PLAGL1: variants seen among roughly 807,000 people sequenced by gnomAD.
PLAGL1 encodes the protein zinc finger protein PLAGL1.
In PLAGL1, 1 loss-of-function variant was observed where a neutral mutation model predicts 4.6. The ratio of observed to expected loss-of-function variants is 0.22; its 90% CI spans 0.08 to 1.03. The LOEUF (loss-of-function observed/expected upper bound fraction) is 1.03. Ranked by LOEUF, PLAGL1 falls within the 50% of genes least tolerant of loss-of-function variation. The pLI is 0.58. For synonymous variants in PLAGL1, 240 were observed against 237.8 expected (o/e 1.01, Z -0.08); for missense variants, 464 against 570.4 (o/e 0.81, Z 1.90).
rs188995044 is a variant in PLAGL1 at position 143,964,073 on chromosome 6, C to G, written c.-399+714G>C. The stretch of plus-strand genomic sequence containing the variant: ...GCCAAAATGACACTCTCCCTTCCAT[C>G]CCCCCATGGCCAACCCCCCATCCCA... On this transcript the variant is annotated intron_variant, in intron 5 of 7. Coordinates refer to ENST00000674357, the MANE Select transcript of PLAGL1 (RefSeq NM_001317162.2). The surrounding 1 kb of genome is among the most constrained non-coding windows in gnomAD (Gnocchi z 4.3). 6.6e-6 allele frequency among the ~76,000 whole-genome samples: 1 copy of G among 152,102 alleles called. No individual in the cohort carries two copies. The highest frequency in any genetic ancestry group is 2.4e-5 in the African/African-American group (1 of 41,500).
intron 1 of PLAGL1, among the ~76,000 whole-genome samples, chr6:144,057,030 T>C (rs1172569279): frequency 2.6e-5 from 4 of 152,324 alleles, no homozygotes; most frequent in East Asian, 1.9e-4. Context: ...GAAGGATATA[T>C]TGGTTGCTTT....
chr6:143,960,513 C>T lies in PLAGL1; in HGVS notation c.-369G>A, dbSNP rs1167495759. The T allele has an allele frequency of 6.6e-6, 1 of 152,196 alleles. No individual in the cohort carries two copies. Among genetic ancestry groups the T allele is most frequent in the Non-Finnish European group, 1.5e-5 (1 of 68,038 alleles). 9.4% of individuals were successfully genotyped at this position (152,196 alleles called of 1,614,324 possible). On this transcript the variant is annotated 5_prime_UTR_variant, in exon 6 of 8. Coordinates refer to ENST00000674357, the MANE Select transcript of PLAGL1 (RefSeq NM_001317162.2). This position sits in a 1 kb window ranked among gnomAD's most constrained non-coding sequence, Gnocchi z 5.7. ...ATCTGCTGCGAGGCAGGGACCGAGT[C>T]CTCCCAGAAGTTTGTCTGAAGATTC...
chr6:143,955,916 G>A lies in PLAGL1; in HGVS notation c.-325+4553C>T, dbSNP rs1185114315. ...AGGTTAGGGGAAAGAGGGAATGGTG[G>A]TGGCAGAGAGAGGTTTTCTTCTGCA... On this transcript the variant is annotated intron_variant, in intron 6 of 7. Coordinates refer to ENST00000674357, the MANE Select transcript of PLAGL1 (RefSeq NM_001317162.2). This position sits in a 1 kb window ranked among gnomAD's most constrained non-coding sequence, Gnocchi z 4.9. 6.6e-6 allele frequency among the ~76,000 whole-genome samples: 1 copy of A among 151,742 alleles called. No homozygotes were observed. Among genetic ancestry groups the A allele is most frequent in the Admixed American group, 6.5e-5 (1 of 15,280 alleles).
chr6:143,946,662 C>T (rs1779863844), intron 7 of PLAGL1, among the ~76,000 whole-genome samples: 1 of 152,202 alleles, frequency 6.6e-6, no homozygotes, highest in African/African-American at 2.4e-5. Flanking sequence ...AAGTGCCTTC[C>T]TCCAGGGTCA....
rs752733300 is a variant in PLAGL1, at chr6:144,027,292, A to AAAGAAAGAAAGAAAGTAAAAGT, written c.-151+37175_-151+37176insACTTTTACTTTCTTTCTTTCTT. On this transcript the variant is annotated intron_variant, in intron 1 of 3. Transcript: ENST00000437412. The surrounding 1 kb of genome is among the most constrained non-coding windows in gnomAD (Gnocchi z 5.8). ...GAAAGAAAGAAAGAAAGAAAGAAAGAAAGTTATTTGATCTGAAGTACAATG... is the reference window on the plus strand; with the variant it reads ...GAAAGAAAGAAAGAAAGAAAGAAAGAAAGAAAGAAAGAAAGTAAAAGTAAGTTATTTGATCTGAAGTACAATG... Among the ~76,000 whole-genome samples the AAAGAAAGAAAGAAAGTAAAAGT allele has an allele frequency of 7.0e-6, 1 of 142,492 alleles. No homozygotes were observed. The highest frequency in any genetic ancestry group is 1.5e-5 in the Non-Finnish European group (1 of 65,024). 93.5% of individuals were successfully genotyped at this position (142,492 alleles called of 152,430 possible).
rs545357704 is a variant in PLAGL1, at chr6:143,982,488, G to A, written c.-544+2647C>T. 6.6e-6 allele frequency among the ~76,000 whole-genome samples: 1 copy of A among 152,302 alleles called. No homozygotes were observed. Among genetic ancestry groups the A allele is most frequent in the South Asian group, 2.1e-4 (1 of 4,828 alleles). ...GATGGGAAGGACTGGAGACACTGGA[G>A]CAGAAAAGTAACACGATCAGACTTA... On this transcript the variant is annotated intron_variant, in intron 2 of 7. Coordinates refer to ENST00000674357, the MANE Select transcript of PLAGL1 (RefSeq NM_001317162.2). This position sits in a 1 kb window ranked among gnomAD's most constrained non-coding sequence, Gnocchi z 5.3.
chr6:144,049,435 G>A (rs1213362332), intron 1 of PLAGL1, among the ~76,000 whole-genome samples: 4 of 152,176 alleles, frequency 2.6e-5, no homozygotes, highest in African/African-American at 9.7e-5. Context: ...CCTCAGATGG[G>A]TAATTTATAA....
chr6:144,060,138 C>CCCAGA (rs767884486), intron 1 of PLAGL1, among the ~76,000 whole-genome samples: 1 of 152,078 alleles, frequency 6.6e-6, no homozygotes, highest in Non-Finnish European at 1.5e-5. Context: ...GCCTCGACCT[C>CCCAGA]CCAGACTCAA....
intron 2 of PLAGL1, among the ~76,000 whole-genome samples, chr6:143,977,739 A>T (rs958309845): frequency 6.6e-6 from 1 of 151,932 alleles, no homozygotes; most frequent in African/African-American, 2.4e-5. Context: ...ACTTTCAGTG[A>T]TCCACCCATC....
intron 1 of PLAGL1, among the ~76,000 whole-genome samples, chr6:144,028,478 A>T (rs1796539265): frequency 6.6e-6 from 1 of 152,212 alleles, no homozygotes; most frequent in African/African-American, 2.4e-5. Context: ...GAGCAGGGAA[A>T]GGGGCCTAAT....
rs1234663474 is a variant in PLAGL1 at position 143,945,435 on chromosome 6, C to T, written c.152+2550G>A. On this transcript the variant is annotated intron_variant, in intron 7 of 7. Transcript: ENST00000674357. The surrounding 1 kb of genome is among the most constrained non-coding windows in gnomAD (Gnocchi z 4.2). ...TGTACTGGGACCCACATTCTGTTTT[C>T]TGGTTAAGCAAGTCAGTTATTTTTT... Among the ~76,000 whole-genome samples the T allele has an allele frequency of 6.6e-6, 1 of 152,178 alleles. No individual in the cohort carries two copies. The highest frequency in any genetic ancestry group is 1.5e-5 in the Non-Finnish European group (1 of 68,040).
chr6:143,943,076 C>G (rs943653196), intron 7 of PLAGL1, among the ~76,000 whole-genome samples: 8 of 126,782 alleles, frequency 6.3e-5, no homozygotes, highest in African/African-American at 2.0e-4. Flanking sequence ...TATACCCACG[C>G]TGGTCTCAAA....
rs1246054357 is a variant in PLAGL1 at position 144,063,978 on chromosome 6, C to G, written c.-151+490G>C. 6.6e-6 allele frequency among the ~76,000 whole-genome samples: 1 copy of G among 152,208 alleles called. No homozygotes were observed. The highest frequency in any genetic ancestry group is 6.5e-5 in the Admixed American group (1 of 15,288). Reference sequence around the variant, plus strand: ...CTCAGTCTCTGGGAGACGGGCTAAGCTGGCACTTGAGATTCTCCCGTTGGG... The same window carrying G: ...CTCAGTCTCTGGGAGACGGGCTAAGGTGGCACTTGAGATTCTCCCGTTGGG... On this transcript the variant is annotated intron_variant, in intron 1 of 3. Coordinates refer to the PLAGL1 transcript ENST00000437412. The surrounding 1 kb of genome is among the most constrained non-coding windows in gnomAD (Gnocchi z 5.7).
rs1442726521 is a variant in PLAGL1, at chr6:144,036,041, G to A, written c.-151+28427C>T. On this transcript the variant is annotated intron_variant, in intron 1 of 3. Transcript: ENST00000437412. This position sits in a 1 kb window ranked among gnomAD's most constrained non-coding sequence, Gnocchi z 5.1. The stretch of plus-strand genomic sequence containing the variant: ...ATCTGATTACGTGTGGCTTAGCCTG[G>A]AAACCCTCAATGCAGGACTCCAACC... 6.6e-6 allele frequency among the ~76,000 whole-genome samples: 1 copy of A among 152,078 alleles called. No individual in the cohort carries two copies. Among genetic ancestry groups the A allele is most frequent in the Non-Finnish European group, 1.5e-5 (1 of 68,020 alleles).
At position 144,048,442 on chromosome 6, in the gene PLAGL1, C is replaced by G. The variant is rs528261423; in HGVS notation, c.-151+16026G>C. On this transcript the variant is annotated intron_variant, in intron 1 of 3. Transcript: ENST00000437412. The surrounding 1 kb of genome is among the most constrained non-coding windows in gnomAD (Gnocchi z 4.8). ...CTCCACCCCTGCAGGAGACTTCTGC[C>G]TGGACATTCAGGCATTTCCATACAT... Among the ~76,000 whole-genome samples, 3 of 152,356 alleles carry G rather than the reference C, an allele frequency of 2.0e-5. No homozygotes were observed. Among genetic ancestry groups the G allele is most frequent in the African/African-American group, 7.2e-5 (3 of 41,586 alleles).
At chr6:143,993,043 T>C (rs1424783027) in intron 1 of PLAGL1, among the ~76,000 whole-genome samples, 2 of 145,842 alleles carry the variant, frequency 1.4e-5, no homozygotes, top group Non-Finnish European at 3.0e-5. Flanking sequence ...GTGCGGTGGC[T>C]CACGCTTGTA....
rs1336688705 is a variant in PLAGL1 at position 143,960,306 on chromosome 6, C to A, written c.-325+163G>T. 2.0e-5 allele frequency among the ~76,000 whole-genome samples: 3 copies of A among 152,206 alleles called. No individual in the cohort carries two copies. The highest frequency in any genetic ancestry group is 2.9e-5 in the Non-Finnish European group (2 of 68,044). On this transcript the variant is annotated intron_variant, in intron 6 of 7. Coordinates refer to ENST00000674357, the MANE Select transcript of PLAGL1 (RefSeq NM_001317162.2). The surrounding 1 kb of genome is among the most constrained non-coding windows in gnomAD (Gnocchi z 5.7). The stretch of plus-strand genomic sequence containing the variant: ...TTAAAAAATGAAAGGGCTAAAAGAA[C>A]CCTGTTCTCGGGTATTCTGCAGTTT...
rs1203570308 is a variant in PLAGL1 at position 143,982,781 on chromosome 6, A to G, written c.-544+2354T>C. Among the ~76,000 whole-genome samples the G allele has an allele frequency of 6.6e-6, 1 of 152,132 alleles. No individual in the cohort carries two copies. Among genetic ancestry groups the G allele is most frequent in the African/African-American group, 2.4e-5 (1 of 41,428 alleles). On this transcript the variant is annotated intron_variant, in intron 2 of 7. Coordinates refer to ENST00000674357, the MANE Select transcript of PLAGL1 (RefSeq NM_001317162.2). This position sits in a 1 kb window ranked among gnomAD's most constrained non-coding sequence, Gnocchi z 5.3. Reference sequence around the variant, plus strand: ...AAGGCACCTGGCCTGTGCAACTGGAAGAAGAGTCTTCCTCATCTCGGTAAA... The same window carrying G: ...AAGGCACCTGGCCTGTGCAACTGGAGGAAGAGTCTTCCTCATCTCGGTAAA...
Position 143,990,599 on chromosome 6 carries a change from A to G in PLAGL1, c.-583-5425T>C, listed in dbSNP as rs1790269997. On this transcript the variant is annotated intron_variant, in intron 1 of 7. Coordinates refer to ENST00000674357, the MANE Select transcript of PLAGL1 (RefSeq NM_001317162.2). This position sits in a 1 kb window ranked among gnomAD's most constrained non-coding sequence, Gnocchi z 5.4. ...CTTATCTCTACCACTCTATCAAAAG[A>G]TCTTTATCAAGGTCATCAAAGCAAT... 6.6e-6 allele frequency among the ~76,000 whole-genome samples: 1 copy of G among 152,130 alleles called. No individual in the cohort carries two copies. Among genetic ancestry groups the G allele is most frequent in the Non-Finnish European group, 1.5e-5 (1 of 68,032 alleles).
Sources: allele counts gnomAD v4.1 joint callset (sites outside exome capture counted in the v4.1 genomes callset), GRCh38; gene constraint gnomAD v4.1.1; non-coding constraint Gnocchi (gnomAD v3.1); transcripts MANE v1.5; gene names NCBI Gene and HGNC (gene_info 2026-07-23, HGNC 2026-07-21).